The following RBFOX3 variants were observed in gnomAD, a reference collection of about 807,000 sequenced individuals.
The protein encoded by RBFOX3 is RNA binding fox-1 homolog 3, also known as RNA binding protein fox-1 homolog 3.
Under a neutral mutation model 48.7 loss-of-function variants are expected in RBFOX3, and 17 were observed. The ratio of observed to expected loss-of-function variants is 0.35; its 90% CI spans 0.24 to 0.52. The LOEUF is 0.52. Among genes scored for constraint, RBFOX3 ranks in the 20% least tolerant of loss-of-function variants. The probability of loss-of-function intolerance (pLI) is 0.94; values close to 1 mark genes in which losing one functional copy is unlikely to be tolerated. For missense variants in RBFOX3, 382 were observed against 497.5 expected (o/e 0.77, Z 2.21); for synonymous variants, 212 against 209.5 (o/e 1.01, Z -0.10).
intron 2 of RBFOX3, among the ~76,000 whole-genome samples, chr17:79,465,711 C>T (rs1199561675): frequency 1.3e-5 from 2 of 152,252 alleles, no homozygotes; most frequent in Non-Finnish European, 2.9e-5. Context: ...CCGTCGGGGC[C>T]TGCCCTGGAC....
chr17:79,396,786 A>G (rs537139937), intron 2 of RBFOX3, among the ~76,000 whole-genome samples: 77 of 152,326 alleles, frequency 5.1e-4, no homozygotes, highest in African/African-American at 1.8e-3. Context: ...CCATCCCCTC[A>G]TTAAAAAGTT....
At chr17:79,486,006 C>T (rs1438420790) in intron 1 of RBFOX3, among the ~76,000 whole-genome samples, 6 of 152,270 alleles carry the variant, frequency 3.9e-5, no homozygotes, top group Non-Finnish European at 1.5e-5. Flanking sequence ...TGGCCCCCTC[C>T]GCGTGCGCTC....
At chr17:79,340,001 T>C (rs2081805478) in intron 2 of RBFOX3, among the ~76,000 whole-genome samples, 1 of 152,152 alleles carries the variant, frequency 6.6e-6, no homozygotes, top group Non-Finnish European at 1.5e-5. Context: ...CTACTGATGT[T>C]AAACTTCTGA....
At chr17:79,146,692 A>C (rs986695417) in intron 4 of RBFOX3, among the ~76,000 whole-genome samples, 2 of 152,110 alleles carry the variant, frequency 1.3e-5, no homozygotes, top group Non-Finnish European at 2.9e-5. Context: ...CTGGCTCTGG[A>C]GCAGAGCTGG....
chr17:79,383,374 G>A lies in RBFOX3; in HGVS notation c.-174-75550C>T, dbSNP rs558497668. On this transcript the variant is annotated intron_variant, in intron 2 of 14. Transcript: ENST00000693108. ...GCAAAGGCACCCTCCACCACCCCAC[G>A]GCCGCGGCGGTGCACCAGTAAAAGT... Among the ~76,000 whole-genome samples the A allele has an allele frequency of 1.8e-3, 275 of 152,348 alleles. 1 individual carries two copies. Among genetic ancestry groups the A allele is most frequent in the African/African-American group, 6.0e-3 (249 of 41,580 alleles).
chr17:79,510,369 C>T (rs1194165133), intron 1 of RBFOX3, among the ~76,000 whole-genome samples: 2 of 152,226 alleles, frequency 1.3e-5, no homozygotes, highest in African/African-American at 4.8e-5. Flanking sequence ...GCACGCAGGA[C>T]ACGACAAGGG....
intron 3 of RBFOX3, among the ~76,000 whole-genome samples, chr17:79,275,176 C>G (rs546877473): frequency 8.6e-5 from 13 of 151,036 alleles, no homozygotes; most frequent in East Asian, 7.8e-4. Flanking sequence ...CTCTCTCCCC[C>G]TCCCCTGGCC....
At chr17:79,092,692 G>T in intron 14 of RBFOX3, 1 of 901,026 alleles carries the variant, frequency 1.1e-6, no homozygotes, top group Non-Finnish European at 1.3e-6. Context: ...TTTTGGAAGA[G>T]GGGAAAAAGC....
In RBFOX3 at chr17:79,390,562, C is replaced by T. The variant is rs2061261882; in HGVS notation, c.-174-82738G>A. Among the ~76,000 whole-genome samples, 1 of 151,586 alleles carries T rather than the reference C, an allele frequency of 6.6e-6. No homozygotes were observed. The highest frequency in any genetic ancestry group is 1.5e-5 in the Non-Finnish European group (1 of 68,014). On this transcript the variant is annotated intron_variant, in intron 2 of 14. Transcript: ENST00000693108. The surrounding 1 kb of genome is among the most constrained non-coding windows in gnomAD (Gnocchi z 4.2). ...GCACAATCTCGGCTCACTACAACGT[C>T]TGCCTCTCAGGTTCAAGTGATTCTC...
intron 2 of RBFOX3, among the ~76,000 whole-genome samples, chr17:79,379,942 A>G (rs1343495728): frequency 6.6e-6 from 1 of 151,700 alleles, no homozygotes; most frequent in Non-Finnish European, 1.5e-5. Flanking sequence ...CCTCTCCCGC[A>G]CCCTCCTTGG....
intron 3 of RBFOX3, among the ~76,000 whole-genome samples, chr17:79,296,426 G>A (rs922517949): frequency 7.9e-5 from 12 of 152,080 alleles, no homozygotes; most frequent in Non-Finnish European, 1.8e-4. Flanking sequence ...GTCGCTCTAT[G>A]GGCCGACTTT....
intron 3 of RBFOX3, among the ~76,000 whole-genome samples, chr17:79,306,273 G>A (rs988522598): frequency 1.3e-5 from 2 of 152,242 alleles, no homozygotes; most frequent in Non-Finnish European, 2.9e-5. Context: ...ACGAGACGGG[G>A]CTGTGAGACA....
chr17:79,278,455 C>A (rs113063288), intron 3 of RBFOX3, among the ~76,000 whole-genome samples: 227 of 152,326 alleles, frequency 1.5e-3, no homozygotes, highest in African/African-American at 5.2e-3. Flanking sequence ...GAAGCCAGAA[C>A]TTTGCTGGCC....
intron 2 of RBFOX3, among the ~76,000 whole-genome samples, chr17:79,414,091 T>A (rs1352164965): frequency 6.6e-6 from 1 of 152,076 alleles, no homozygotes; most frequent in East Asian, 1.9e-4. Flanking sequence ...CTTGTTATTC[T>A]ACCCAGGATC....
At chr17:79,624,326 A>G in the RBFOX3 span, among the ~76,000 whole-genome samples, 3 of 151,996 alleles carry the variant, frequency 2.0e-5, no homozygotes, top group East Asian at 1.9e-4. Flanking sequence ...TCCGGGCCAC[A>G]TGGCTGGCCT....
chr17:79,550,901 C>G (rs1395010468), intron 1 of RBFOX3, among the ~76,000 whole-genome samples: 1 of 152,196 alleles, frequency 6.6e-6, no homozygotes, highest in Non-Finnish European at 1.5e-5. Flanking sequence ...CAAAAATTCT[C>G]AAAATCTAGG....
chr17:79,175,581 G>A (rs1300019502), intron 4 of RBFOX3, among the ~76,000 whole-genome samples: 1 of 152,240 alleles, frequency 6.6e-6, no homozygotes, highest in Non-Finnish European at 1.5e-5. Context: ...TCCAGGGCCT[G>A]GCAGACACAC....
intron 1 of RBFOX3, among the ~76,000 whole-genome samples, chr17:79,551,488 C>T (rs979156085): frequency 0.011 from 995 of 92,408 alleles, 5 homozygotes; most frequent in African/African-American, 0.035. Flanking sequence ...GGTGGATGGA[C>T]GGGTGGGTGG....
At chr17:79,257,281 G>A (rs1165565508) in intron 3 of RBFOX3, among the ~76,000 whole-genome samples, 1 of 152,226 alleles carries the variant, frequency 6.6e-6, no homozygotes, top group Admixed American at 6.5e-5. Context: ...CGGTTCCAGA[G>A]ACACCAGCAC....
Sources: allele counts gnomAD v4.1 joint callset (sites outside exome capture counted in the v4.1 genomes callset), GRCh38; gene constraint gnomAD v4.1.1; non-coding constraint Gnocchi (gnomAD v3.1); transcripts MANE v1.5; gene names NCBI Gene and HGNC (gene_info 2026-07-23, HGNC 2026-07-21).